Variants in TRIL observed in about 807,000 individuals in gnomAD.
TRIL encodes the protein TLR4 interactor with leucine rich repeats.
A neutral mutation model predicts 43.0 loss-of-function variants in TRIL; 23 were observed. The ratio of observed to expected loss-of-function variants is 0.54; its 90% CI spans 0.39 to 0.76. TRIL has a LOEUF of 0.76. Among genes scored for constraint, TRIL ranks in the 30% least tolerant of loss-of-function variants. The pLI, the probability that TRIL is intolerant of heterozygous loss-of-function variation, is 0.00. For missense variants in TRIL, 1,114 were observed against 1,139.3 expected (o/e 0.98, Z 0.32); for synonymous variants, 602 against 556.8 (o/e 1.08, Z -1.14).
chr7:28,956,933 G>T lies in TRIL; in HGVS notation c.1114C>A (p.Arg372Ser), dbSNP rs775434464. ...TGCGAGTGCCAGTCGCCCATCCAGC[G>T]CTTCAGGCCTCGCAGCCGGCAGTCG... is the stretch of plus-strand genomic sequence containing the variant. ...TCDCRLRGLKRWMGDWHSQGR... is the reference protein window; with the variant it reads ...TCDCRLRGLKSWMGDWHSQGR... Residue 372 changes from arginine (R) to serine (S), a missense_variant, in exon 1 of 1, where the codon CGC (arginine) becomes AGC (serine). Arg to Ser is a moderately radical substitution (Grantham distance 110, BLOSUM62 -1). Coordinates refer to ENST00000539664, the MANE Select transcript of TRIL (RefSeq NM_014817.4). The T allele has an allele frequency of 9.4e-6, 15 of 1,602,720 alleles. No homozygotes were observed.
chr7:28,958,157 C>T lies in TRIL; in HGVS notation c.-111G>A. 4 of 1,367,820 alleles carry T rather than the reference C, an allele frequency of 2.9e-6. No individual in the cohort carries two copies. The highest frequency in any genetic ancestry group is 2.9e-6 in the Non-Finnish European group (3 of 1,039,534). The allele number at this position is 1,367,820 out of a possible 1,614,324, so 84.7% of individuals were successfully genotyped here. ...GAGTCGCTAAATGGCCTCTTTCGGACTTCGCAGCGCCGTCCAGCCCCTCCT... is the reference window on the plus strand; with the variant it reads ...GAGTCGCTAAATGGCCTCTTTCGGATTTCGCAGCGCCGTCCAGCCCCTCCT... On this transcript the variant is annotated 5_prime_UTR_variant, in exon 1 of 1. Transcript: ENST00000539664.
chr7:28,957,514 A>C lies in TRIL; in HGVS notation c.533T>G (p.Leu178Trp). The change falls in exon 1 of 1, where the codon TTG becomes TGG. Residue 178 changes from leucine to tryptophan, a missense_variant. Coordinates refer to ENST00000539664, the MANE Select transcript of TRIL (RefSeq NM_014817.4). Reference sequence around the variant, plus strand: ...CAGATGTAGGTAGAGCAGGTTGCCCAAGGGAGCGAAGACCGCGTCCGGCAG... The same window carrying C: ...CAGATGTAGGTAGAGCAGGTTGCCCCAGGGAGCGAAGACCGCGTCCGGCAG... ...GALPDAVFAP[L>W]GNLLYLHLES... is the part of the protein sequence containing the mutation. The C allele has an allele frequency of 6.2e-7, 1 of 1,613,142 alleles. No individual in the cohort carries two copies.
rs1178074702 is a variant in TRIL at position 28,953,849 on chromosome 7, GATC to G, written c.*1759_*1761del. On this transcript the variant is annotated 3_prime_UTR_variant, in exon 1 of 1. Transcript: ENST00000539664. ...ATTTACTCATTTGAACATAAACAAC[GATC>G]AGCTCATTCAGATGGCTGGTTCCCT... 1 of 152,408 alleles carries G rather than the reference GATC, an allele frequency of 6.6e-6. No individual in the cohort carries two copies. Among genetic ancestry groups the G allele is most frequent in the Non-Finnish European group, 1.5e-5 (1 of 68,052 alleles). 9.4% of individuals were successfully genotyped at this position (152,408 alleles called of 1,614,324 possible). A position where few individuals can be genotyped will look rare whatever the true frequency, so the allele number is the denominator to read the frequency against.
In TRIL at chr7:28,953,784, G is replaced by C. The variant is rs925042642; in HGVS notation, c.*1827C>G. ...TATTAAGTTTTGGCCCCGCAGACGA[G>C]ACTGCCAGAAAAGCAGCTGTAGTTT... is the stretch of plus-strand genomic sequence containing the variant. On this transcript the variant is annotated 3_prime_UTR_variant, in exon 1 of 1. Coordinates refer to ENST00000539664, the MANE Select transcript of TRIL (RefSeq NM_014817.4). 1.3e-5 allele frequency: 2 copies of C among 152,238 alleles called. No individual in the cohort carries two copies. Among genetic ancestry groups the C allele is most frequent in the African/African-American group, 2.4e-5 (1 of 41,458 alleles). 9.4% of individuals were successfully genotyped at this position (152,238 alleles called of 1,614,324 possible).
Position 28,955,664 on chromosome 7 carries a change from C to T in TRIL, c.2383G>A (p.Ala795Thr). ...TCCTCCCGTCTCAGGCTGCCGCCCG[C>T]GCCGCCGCCCGCACTGTCCATGAAG... Reference protein sequence around the residue: ...DRFMDSAGGGAGGSLRREDRL... With the variant: ...DRFMDSAGGGTGGSLRREDRL... Residue 795 changes from alanine (A) to threonine (T), a missense_variant, in exon 1 of 1, where the codon GCG becomes ACG. Physicochemically the swap from Ala to Thr is moderately conservative, Grantham distance 58 (BLOSUM62 0). Transcript: ENST00000539664. The T allele has an allele frequency of 1.3e-6, 2 of 1,547,694 alleles. No homozygotes were observed. Among genetic ancestry groups the T allele is most frequent in the Non-Finnish European group, 1.7e-6 (2 of 1,146,584 alleles).
chr7:28,956,386 C>CGAT lies in TRIL; in HGVS notation c.1658_1660dup (p.His553dup). The stretch of plus-strand genomic sequence containing the variant: ...ACGCTCCTGGTGCTCCGTGCCCAGA[C>CGAT]GATGCTTCGTCGCGCGCTGCCAGGG... On this transcript the variant is annotated inframe_insertion, in exon 1 of 1. Coordinates refer to ENST00000539664, the MANE Select transcript of TRIL (RefSeq NM_014817.4). The CGAT allele has an allele frequency of 6.5e-7, 1 of 1,535,090 alleles. No individual in the cohort carries two copies. Among genetic ancestry groups the CGAT allele is most frequent in the Non-Finnish European group, 8.7e-7 (1 of 1,146,696 alleles).
chr7:28,958,204 G>T lies in TRIL; in HGVS notation c.-158C>A. 11 of 1,140,496 alleles carry T rather than the reference G, an allele frequency of 9.6e-6. No individual in the cohort carries two copies. The highest frequency in any genetic ancestry group is 1.3e-5 in the Non-Finnish European group (11 of 841,092). 70.6% of individuals were successfully genotyped at this position (1,140,496 alleles called of 1,614,324 possible). On this transcript the variant is annotated 5_prime_UTR_variant, in exon 1 of 1. Coordinates refer to ENST00000539664, the MANE Select transcript of TRIL (RefSeq NM_014817.4). ...TCCTCCGTCCTTTGTCCGGAGGCCG[G>T]CCCGGGTCTCTGCAGGCGGGCTTCG...
chr7:28,956,082 G>T lies in TRIL; in HGVS notation c.1965C>A (p.Thr655=), dbSNP rs982241413. The change falls in exon 1 of 1, where the codon ACC becomes ACA. Residue 655 remains threonine, a synonymous_variant. Transcript: ENST00000539664. ...SATLRELRGD[T]PYLVCVEGVL... is the part of the protein sequence containing the mutation. ...CGCCCTCCACGCACACCAGGTAGGG[G>T]GTGTCCCCGCGCAGCTCGCGCAGCG... 5 of 1,554,338 alleles carry T rather than the reference G, an allele frequency of 3.2e-6. No individual in the cohort carries two copies. The highest frequency in any genetic ancestry group is 2.7e-5 in the African/African-American group (2 of 73,500).
In TRIL at chr7:28,954,821, G is replaced by A. The variant is rs1169322826; in HGVS notation, c.*790C>T. On this transcript the variant is annotated 3_prime_UTR_variant, in exon 1 of 1. Transcript: ENST00000539664. ...AAAAATAAAATTAAAAAAGCCACAG[G>A]AGCAACCCTGACAGAGAAGTCTTGC... 2 of 152,068 alleles carry A rather than the reference G, an allele frequency of 1.3e-5. No homozygotes were observed. Among genetic ancestry groups the A allele is most frequent in the Non-Finnish European group, 2.9e-5 (2 of 68,002 alleles). The allele number at this position is 152,068 out of a possible 1,614,324, so 9.4% of individuals were successfully genotyped here. A position where few individuals can be genotyped will look rare whatever the true frequency, so the allele number is the denominator to read the frequency against.
In TRIL at chr7:28,956,633, C is replaced by T; in HGVS notation, c.1414G>A (p.Ala472Thr). ...CTGCGGTTGCCTACCAGCTCCCTGG[C>T]GGCCCCATCCCAGGCCACCCCAGCT... ...FLAGVAWDGAARELVGNRSAL... is the reference protein window; with the variant it reads ...FLAGVAWDGATRELVGNRSAL... The change falls in exon 1 of 1, where the codon GCC (alanine) becomes ACC (threonine). Residue 472 changes from alanine (A) to threonine (T), a missense_variant. Physicochemically the swap from Ala to Thr is moderately conservative, Grantham distance 58. Coordinates refer to ENST00000539664, the MANE Select transcript of TRIL (RefSeq NM_014817.4). The T allele has an allele frequency of 1.3e-6, 2 of 1,563,752 alleles. No individual in the cohort carries two copies. Among genetic ancestry groups the T allele is most frequent in the Non-Finnish European group, 8.6e-7 (1 of 1,158,388 alleles).
rs1228411838 is a variant in TRIL at position 28,955,934 on chromosome 7, C to T, written c.2113G>A (p.Val705Ile). The part of the protein sequence containing the change: ...YQLLTLALLT[V>I]NALLVLLALA... ...GCCAGGAGCACCAGCAGCGCGTTGACCGTCAGCAGGGCCAAGGTCAGCAGC... is the reference window on the plus strand; with the variant it reads ...GCCAGGAGCACCAGCAGCGCGTTGATCGTCAGCAGGGCCAAGGTCAGCAGC... Residue 705 changes from valine (V) to isoleucine (I), a missense_variant, in exon 1 of 1, where the codon GTC becomes ATC. Transcript: ENST00000539664. The T allele has an allele frequency of 9.0e-6, 14 of 1,553,430 alleles. No homozygotes were observed. Among genetic ancestry groups the T allele is most frequent in the Non-Finnish European group, 1.1e-5 (13 of 1,151,344 alleles).
At position 28,958,087 on chromosome 7, in the gene TRIL, G is replaced by A; in HGVS notation, c.-41C>T. The A allele has an allele frequency of 1.4e-6, 2 of 1,466,474 alleles. No individual in the cohort carries two copies. The highest frequency in any genetic ancestry group is 1.8e-6 in the Non-Finnish European group (2 of 1,114,058). 90.8% of individuals were successfully genotyped at this position (1,466,474 alleles called of 1,614,324 possible). ...GTGCAGCGGCCGGATCGTCCTCTTG[G>A]CCCGCCGGCTCTGTGTCTCCTCTGC... is the stretch of plus-strand genomic sequence containing the variant. On this transcript the variant is annotated 5_prime_UTR_variant, in exon 1 of 1. Transcript: ENST00000539664.
chr7:28,957,286 C>T lies in TRIL; in HGVS notation c.761G>A (p.Arg254His). The T allele has an allele frequency of 6.2e-7, 1 of 1,611,024 alleles. No homozygotes were observed. The highest frequency in any genetic ancestry group is 8.5e-7 in the Non-Finnish European group (1 of 1,179,762). The change falls in exon 1 of 1, where the codon CGT becomes CAT. Residue 254 changes from arginine (R) to histidine (H), a missense_variant. Coordinates refer to ENST00000539664, the MANE Select transcript of TRIL (RefSeq NM_014817.4). Reference sequence around the variant, plus strand: ...GCCCCTGAGCGAGAGCAGGCCGAGACGTGGCAGGTGCTGGAAGATGCGCGG... The same window carrying T: ...GCCCCTGAGCGAGAGCAGGCCGAGATGTGGCAGGTGCTGGAAGATGCGCGG... The part of the protein sequence containing the change: ...LGPRIFQHLP[R>H]LGLLSLRGNQ...
In TRIL at chr7:28,955,507, C is replaced by T; in HGVS notation, c.*104G>A. ...ATTGGCCCTCTGTCCCCACCGGCCT[C>T]TCTGGCAAGTGCACAAAACGGCACT... On this transcript the variant is annotated 3_prime_UTR_variant, in exon 1 of 1. Transcript: ENST00000539664. 7.0e-7 allele frequency: 1 copy of T among 1,420,028 alleles called. No individual in the cohort carries two copies. 88.0% of individuals were successfully genotyped at this position (1,420,028 alleles called of 1,614,324 possible).
In TRIL at chr7:28,956,802, C is replaced by T; in HGVS notation, c.1245G>A (p.Ala415=). The T allele has an allele frequency of 1.2e-6, 2 of 1,611,304 alleles. No individual in the cohort carries two copies. The highest frequency in any genetic ancestry group is 1.7e-6 in the Non-Finnish European group (2 of 1,179,094). The change falls in exon 1 of 1, where the codon GCG becomes GCA. Residue 415 remains alanine, a synonymous_variant. Transcript: ENST00000539664. ...TCAGGGAAGCTGAGGGCGAGGGATCCGCGCAGGATCCATTTTGCAGCTGCT... is the reference window on the plus strand; with the variant it reads ...TCAGGGAAGCTGAGGGCGAGGGATCTGCGCAGGATCCATTTTGCAGCTGCT... ...DDQQLQNGSC[A]DPSPSASLTA...
In TRIL at chr7:28,956,358, G is replaced by C. The variant is rs1292066020; in HGVS notation, c.1689C>G (p.Ala563=). 12 of 1,531,794 alleles carry C rather than the reference G, an allele frequency of 7.8e-6. No individual in the cohort carries two copies. Among genetic ancestry groups the C allele is most frequent in the Non-Finnish European group, 1.0e-5 (12 of 1,145,206 alleles). 94.9% of individuals were successfully genotyped at this position (1,531,794 alleles called of 1,614,324 possible). The change falls in exon 1 of 1, where the codon GCC becomes GCG. Residue 563 remains alanine (A), a synonymous_variant. Coordinates refer to ENST00000539664, the MANE Select transcript of TRIL (RefSeq NM_014817.4). ...GCCCGGCCCCACCGTCGGACTGGGC[G>C]GCACGCTCCTGGTGCTCCGTGCCCA... ...HRLGTEHQER[A]AQSDGGAGLP...
rs1454075907 is a variant in TRIL at position 28,955,235 on chromosome 7, A to G, written c.*376T>C. 1 of 243,366 alleles carries G rather than the reference A, an allele frequency of 4.1e-6. No individual in the cohort carries two copies. Among genetic ancestry groups the G allele is most frequent in the East Asian group, 8.0e-5 (1 of 12,432 alleles). The allele number at this position is 243,366 out of a possible 1,614,324, so 15.1% of individuals were successfully genotyped here. ...AACAAAACTTCTCTGTTTGACACTGAGCAAACAAAAAGCATGCACCCAAAT... is the reference window on the plus strand; with the variant it reads ...AACAAAACTTCTCTGTTTGACACTGGGCAAACAAAAAGCATGCACCCAAAT... On this transcript the variant is annotated 3_prime_UTR_variant, in exon 1 of 1. Coordinates refer to ENST00000539664, the MANE Select transcript of TRIL (RefSeq NM_014817.4).
At position 28,956,762 on chromosome 7, in the gene TRIL, G is replaced by T; in HGVS notation, c.1285C>A (p.Arg429=). The change falls in exon 1 of 1, where the codon CGG becomes AGG. Residue 429 remains arginine, a synonymous_variant. Transcript: ENST00000539664. ...PSASLTADRR[R]QPLPTAAGEE... Reference sequence around the variant, plus strand: ...CCTGCGGCCGTGGGTAGGGGCTGCCGCCTGCGGTCAGCGGTCAGGGAAGCT... The same window carrying T: ...CCTGCGGCCGTGGGTAGGGGCTGCCTCCTGCGGTCAGCGGTCAGGGAAGCT... The T allele has an allele frequency of 6.2e-7, 1 of 1,608,276 alleles. No individual in the cohort carries two copies. The highest frequency in any genetic ancestry group is 8.5e-7 in the Non-Finnish European group (1 of 1,179,298).
Position 28,955,303 on chromosome 7 carries a change from C to G in TRIL, c.*308G>C. ...GGGCACAAGCACCCCCTTTCTACCC[C>G]CAAAGCCTGGCTTCTGCATTGCAGT... On this transcript the variant is annotated 3_prime_UTR_variant, in exon 1 of 1. Coordinates refer to ENST00000539664, the MANE Select transcript of TRIL (RefSeq NM_014817.4). 2.6e-6 allele frequency: 1 copy of G among 382,446 alleles called. No individual in the cohort carries two copies. The highest frequency in any genetic ancestry group is 4.6e-6 in the Non-Finnish European group (1 of 216,332). The allele number at this position is 382,446 out of a possible 1,614,324, so 23.7% of individuals were successfully genotyped here. A position where few individuals can be genotyped will look rare whatever the true frequency, so the allele number is the denominator to read the frequency against.
Sources: gnomAD v4.1 joint callset for allele counts on GRCh38, gnomAD v4.1.1 for gene constraint, MANE v1.5 for transcripts, NCBI Gene and HGNC (gene_info 2026-07-23, HGNC 2026-07-21) for gene names.